Variants in FAM135B observed in about 807,000 individuals in gnomAD.
FAM135B encodes the protein protein FAM135B.
In FAM135B, 43 loss-of-function variants were observed where a neutral mutation model predicts 127.7. The ratio of observed to expected loss-of-function variants is 0.34; its 90% CI spans 0.26 to 0.43. FAM135B has a LOEUF of 0.43. Among genes scored for constraint, FAM135B ranks in the 20% least tolerant of loss-of-function variants. FAM135B has a pLI of 1.00. For synonymous variants in FAM135B, 670 were observed against 665.1 expected, an observed-to-expected ratio of 1.01 and a Z score of -0.11; for missense variants, 1,558 against 1,725.6, an observed-to-expected ratio of 0.90 and a Z score of 1.72.
intron 7 of FAM135B, among the ~76,000 whole-genome samples, chr8:138,208,735 T>C (rs1288305696): frequency 6.6e-6 from 1 of 152,180 alleles, no homozygotes; most frequent in African/African-American, 2.4e-5. Flanking sequence ...ATGACAAACA[T>C]TAGTCTTCTG....
intron 1 of FAM135B, among the ~76,000 whole-genome samples, chr8:138,372,037 G>C (rs1429262419): frequency 6.6e-6 from 1 of 152,246 alleles, no homozygotes; most frequent in African/African-American, 2.4e-5. Context: ...CTCAGGAAGA[G>C]GGGGGACCTG....
chr8:138,471,095 G>T (rs182456578), intron 1 of FAM135B, among the ~76,000 whole-genome samples: 80 of 152,296 alleles, frequency 5.3e-4, no homozygotes, highest in African/African-American at 1.8e-3. Flanking sequence ...GCAAAGCCTT[G>T]TGGGATTCCT....
chr8:138,245,888 T>C (rs1821241419), intron 6 of FAM135B, among the ~76,000 whole-genome samples: 1 of 150,148 alleles, frequency 6.7e-6, no homozygotes, highest in Admixed American at 6.6e-5. Context: ...TCTAGAGACG[T>C]GTTGAATGGT....
chr8:138,296,268 C>T (rs952988327), intron 3 of FAM135B, among the ~76,000 whole-genome samples: 1 of 152,184 alleles, frequency 6.6e-6, no homozygotes, highest in Admixed American at 6.5e-5. Context: ...TTTCAAATTT[C>T]ACAGAATCTC....
At chr8:138,133,312 T>C (rs541652912) in intron 19 of FAM135B, among the ~76,000 whole-genome samples, 30 of 152,346 alleles carry the variant, frequency 2.0e-4, no homozygotes, top group African/African-American at 5.1e-4. Flanking sequence ...GTTTTGTTTT[T>C]ACAATTGTTA....
intron 12 of FAM135B, among the ~76,000 whole-genome samples, chr8:138,155,502 A>G (rs1474735091): frequency 6.6e-6 from 1 of 152,190 alleles, no homozygotes; most frequent in Non-Finnish European, 1.5e-5. Flanking sequence ...CAGACTGGCA[A>G]ATTGGATAAA....
At chr8:138,325,526 A>G (rs1186656846) in intron 2 of FAM135B, among the ~76,000 whole-genome samples, 1 of 152,166 alleles carries the variant, frequency 6.6e-6, no homozygotes, top group African/African-American at 2.4e-5. Context: ...CAAGAAAATT[A>G]CTGTTGGGTT....
At chr8:138,441,395 T>C (rs1011619123) in intron 1 of FAM135B, 2 of 152,222 alleles carry the variant, frequency 1.3e-5, no homozygotes, top group Admixed American at 1.3e-4. Flanking sequence ...AAGTCTCTTC[T>C]GTGAGCTTTA....
chr8:138,170,075 G>A (rs866786072), intron 11 of FAM135B, among the ~76,000 whole-genome samples: 4 of 152,166 alleles, frequency 2.6e-5, no homozygotes, highest in Admixed American at 6.5e-5. Context: ...ATAGGCAACT[G>A]CAAGGTTTTG....
At chr8:138,204,022 G>T (rs1370270158) in intron 7 of FAM135B, among the ~76,000 whole-genome samples, 1 of 151,966 alleles carries the variant, frequency 6.6e-6, no homozygotes, top group East Asian at 1.9e-4. Flanking sequence ...TAATGTGAGT[G>T]ATGGAGAGTG....
At chr8:138,210,522 T>C (rs1818055743) in intron 7 of FAM135B, among the ~76,000 whole-genome samples, 1 of 152,124 alleles carries the variant, frequency 6.6e-6, no homozygotes, top group Non-Finnish European at 1.5e-5. Flanking sequence ...ACAATCATGG[T>C]GGAAGGTGAA....
intron 1 of FAM135B, among the ~76,000 whole-genome samples, chr8:138,397,482 G>T (rs1236942143): frequency 6.6e-6 from 1 of 152,170 alleles, no homozygotes; most frequent in East Asian, 1.9e-4. Context: ...ACTTTAAATA[G>T]TTGATTTCAT....
intron 4 of FAM135B, among the ~76,000 whole-genome samples, chr8:138,260,961 C>T (rs546865488): frequency 6.6e-6 from 1 of 152,212 alleles, no homozygotes; most frequent in South Asian, 2.1e-4. Context: ...GTGTCCCTGC[C>T]AGTTTCTAGC....
intron 3 of FAM135B, among the ~76,000 whole-genome samples, chr8:138,309,812 T>C (rs1309958478): frequency 6.6e-6 from 1 of 152,082 alleles, no homozygotes; most frequent in African/African-American, 2.4e-5. Flanking sequence ...TCTGTCTGTT[T>C]ACTTTAATGC....
chr8:138,493,859 G>A (rs1297869295), intron 1 of FAM135B, among the ~76,000 whole-genome samples: 1 of 118,010 alleles, frequency 8.5e-6, no homozygotes, highest in South Asian at 2.5e-4. Context: ...GGAAACTGAG[G>A]CACAAGACAA....
chr8:138,139,145 A>G, intron 17 of FAM135B, 49 bp from the exon 18 acceptor site: 1 of 1,207,318 alleles, frequency 8.3e-7, no homozygotes, highest in South Asian at 1.3e-5. Context: ...AACAAAACAA[A>G]AACTAACTGG....
chr8:138,216,988 C>G (rs1586799783), intron 7 of FAM135B, among the ~76,000 whole-genome samples: 1 of 152,108 alleles, frequency 6.6e-6, no homozygotes, highest in Non-Finnish European at 1.5e-5. Context: ...AAATAGAAAC[C>G]CTTGTTGCCT....
chr8:138,492,837 C>A (rs1402920485), intron 1 of FAM135B, among the ~76,000 whole-genome samples: 1 of 152,118 alleles, frequency 6.6e-6, no homozygotes, highest in Non-Finnish European at 1.5e-5. Context: ...CCTCTTTGTT[C>A]CCGCAGACCC....
At chr8:138,485,904 AGT>A (rs745965438) in intron 1 of FAM135B, among the ~76,000 whole-genome samples, 14 of 152,106 alleles carry the variant, frequency 9.2e-5, no homozygotes, top group Non-Finnish European at 1.6e-4. Flanking sequence ...TATGTGAGTG[AGT>A]GTGTGGCTAA....
Sources: allele counts gnomAD v4.1 joint callset (sites outside exome capture counted in the v4.1 genomes callset), GRCh38; gene constraint gnomAD v4.1.1; transcripts MANE v1.5; gene names NCBI Gene and HGNC (gene_info 2026-07-23, HGNC 2026-07-21).